The following AMPH variants were observed in gnomAD, a reference collection of about 807,000 sequenced individuals.
The protein encoded by AMPH is amphiphysin (Stiff-Mann syndrome with breast cancer 128kD autoantigen).
A neutral mutation model predicts 99.1 loss-of-function variants in AMPH; 49 were observed. The ratio of observed to expected loss-of-function variants is 0.49; its 90% CI spans 0.39 to 0.63. The LOEUF (loss-of-function observed/expected upper bound fraction) is 0.63, where lower values mean the gene tolerates loss of function less well. AMPH is among the 20% of genes least tolerant of loss of function. The pLI is 0.00. For missense variants in AMPH, 759 were observed against 863.4 expected, an observed-to-expected ratio of 0.88 and a Z score of 1.52; for synonymous variants, 314 against 317.3, an observed-to-expected ratio of 0.99 and a Z score of 0.11.
At chr7:38,549,421 A>G (rs936199460) in intron 1 of AMPH, among the ~76,000 whole-genome samples, 1 of 152,256 alleles carries the variant, frequency 6.6e-6, no homozygotes, top group African/African-American at 2.4e-5. Flanking sequence ...CAGAATAGTC[A>G]AAACAATTTT....
intron 1 of AMPH, among the ~76,000 whole-genome samples, chr7:38,551,395 T>C (rs1791175267): frequency 6.6e-6 from 1 of 152,156 alleles, no homozygotes; most frequent in African/African-American, 2.4e-5. Context: ...ATAGGAAGAA[T>C]AGTCAATGCT....
chr7:38,466,245 T>C lies in AMPH; in HGVS notation c.594A>G (p.Arg198=). ...TGAAAGTATTAACATAAAATCCAAC[T>C]CGTCTGCCATGTGGAAACACAAAGA... The part of the protein sequence containing the change: ...QEELPSLWSR[R]VGFYVNTFKN... Residue 198 remains arginine (R), a synonymous_variant, in exon 8 of 21, where the codon CGA becomes CGG. Coordinates refer to ENST00000356264, the MANE Select transcript of AMPH (RefSeq NM_001635.4). 1 of 1,586,748 alleles carries C rather than the reference T, an allele frequency of 6.3e-7. No individual in the cohort carries two copies. Among genetic ancestry groups the C allele is most frequent in the Non-Finnish European group, 8.5e-7 (1 of 1,171,844 alleles).
At chr7:38,571,281 T>TTATATATAGAA (rs1791998015) in intron 1 of AMPH, among the ~76,000 whole-genome samples, 3 of 44,084 alleles carry the variant, frequency 6.8e-5, no homozygotes, top group African/African-American at 1.7e-4. Context: ...ATATATATTT[T>TTATATATAGAA]TATATATATT....
chr7:38,485,539 G>A (rs1333102258), intron 5 of AMPH, among the ~76,000 whole-genome samples: 1 of 151,892 alleles, frequency 6.6e-6, no homozygotes, highest in Admixed American at 6.6e-5. Flanking sequence ...TTCAATTATA[G>A]ATAGAACCAC....
chr7:38,444,509 G>A (rs1786681333), intron 11 of AMPH, among the ~76,000 whole-genome samples: 1 of 152,118 alleles, frequency 6.6e-6, no homozygotes, highest in Non-Finnish European at 1.5e-5. Flanking sequence ...CAGGGAAAAT[G>A]CCATGTGATG....
At chr7:38,622,620 T>G (rs1468133870) in intron 1 of AMPH, among the ~76,000 whole-genome samples, 1 of 152,106 alleles carries the variant, frequency 6.6e-6, no homozygotes, top group Non-Finnish European at 1.5e-5. Flanking sequence ...GATAATTTTC[T>G]CAAAAGTGGA....
chr7:38,573,169 G>T (rs919079978), intron 1 of AMPH, among the ~76,000 whole-genome samples: 24 of 152,220 alleles, frequency 1.6e-4, no homozygotes, highest in Admixed American at 1.4e-3. Flanking sequence ...CAAAGACTGG[G>T]GCTTGTGGAC....
chr7:38,541,227 G>GC (rs1399915953), intron 1 of AMPH, among the ~76,000 whole-genome samples: 1 of 151,106 alleles, frequency 6.6e-6, no homozygotes, highest in Admixed American at 6.6e-5. Flanking sequence ...CTTATCCTGT[G>GC]CTCACCCTAA....
At chr7:38,477,234 C>G (rs1033922448) in intron 5 of AMPH, among the ~76,000 whole-genome samples, 4 of 151,990 alleles carry the variant, frequency 2.6e-5, no homozygotes, top group African/African-American at 7.2e-5. Flanking sequence ...AGTTTGCAGT[C>G]AAAGACCAGA....
intron 11 of AMPH, among the ~76,000 whole-genome samples, chr7:38,457,171 T>A (rs540341459): frequency 6.6e-6 from 1 of 152,156 alleles, no homozygotes; most frequent in South Asian, 2.1e-4. Context: ...TTATACCAGA[T>A]GCACAGATAT....
At chr7:38,532,101 T>C (rs954811881) in intron 2 of AMPH, among the ~76,000 whole-genome samples, 2 of 152,196 alleles carry the variant, frequency 1.3e-5, no homozygotes, top group African/African-American at 4.8e-5. Context: ...AGAGCATTAA[T>C]AAAATCAGTC....
intron 12 of AMPH, among the ~76,000 whole-genome samples, chr7:38,434,123 T>C (rs543334210): frequency 4.7e-4 from 72 of 152,268 alleles, no homozygotes; most frequent in African/African-American, 1.6e-3. Flanking sequence ...GACTCAGTTA[T>C]GGCCACCAGG....
chr7:38,408,986 A>T (rs1462592096), intron 17 of AMPH, among the ~76,000 whole-genome samples: 1 of 152,204 alleles, frequency 6.6e-6, no homozygotes, highest in Non-Finnish European at 1.5e-5. Context: ...GTTAGAGATT[A>T]ATCTGATCCC....
chr7:38,573,407 G>A (rs1352961863), intron 1 of AMPH, among the ~76,000 whole-genome samples: 1 of 152,150 alleles, frequency 6.6e-6, no homozygotes, highest in African/African-American at 2.4e-5. Flanking sequence ...TCCTATGAGT[G>A]GCACACAAGC....
intron 1 of AMPH, among the ~76,000 whole-genome samples, chr7:38,571,344 T>TATATATATTTTTATATAGA (rs1792010254): frequency 2.4e-5 from 1 of 41,650 alleles, no homozygotes; most frequent in Non-Finnish European, 4.6e-5. Flanking sequence ...ATATATAGAA[T>TATATATATTTTTATATAGA]ATATATATTT....
chr7:38,612,006 C>T (rs1392160778), intron 1 of AMPH, among the ~76,000 whole-genome samples: 1 of 151,888 alleles, frequency 6.6e-6, no homozygotes, highest in Non-Finnish European at 1.5e-5. Flanking sequence ...TCTAAGGACA[C>T]GCCTCTGATT....
chr7:38,421,073 G>A (rs962637358), intron 16 of AMPH: 15 of 456,464 alleles, frequency 3.3e-5, no homozygotes, highest in Admixed American at 1.4e-4. Flanking sequence ...ACATGACAAA[G>A]CTAAGTTCCC....
At chr7:38,608,662 A>G (rs2129064410) in intron 1 of AMPH, among the ~76,000 whole-genome samples, 1 of 152,306 alleles carries the variant, frequency 6.6e-6, no homozygotes, top group South Asian at 2.1e-4. Flanking sequence ...CCAATAATCA[A>G]TACTGACATC....
rs1785013949 is a variant in AMPH at position 38,406,736 on chromosome 7, CTCT to C, written c.1398+11086_1398+11088del. Among the ~76,000 whole-genome samples, 6 of 76,906 alleles carry C rather than the reference CTCT, an allele frequency of 7.8e-5. 1 individual carries two copies. The highest frequency in any genetic ancestry group is 5.0e-4 in the East Asian group (2 of 4,030). 50.5% of individuals were successfully genotyped at this position (76,906 alleles called of 152,430 possible). On this transcript the variant is annotated intron_variant, in intron 17 of 20. Transcript: ENST00000356264. ...CTCCTCTCTCTCTCCCTTTCCCTCTCTCTCTCTCTCTCTCTCTCTCTCTCTCTC... is the reference window on the plus strand; with the variant it reads ...CTCCTCTCTCTCTCCCTTTCCCTCTCCTCTCTCTCTCTCTCTCTCTCTCTC...
Sources: gnomAD v4.1 joint callset for allele counts (sites outside exome capture counted in the v4.1 genomes callset) on GRCh38, gnomAD v4.1.1 for gene constraint, MANE v1.5 for transcripts, NCBI Gene and HGNC (gene_info 2026-07-23, HGNC 2026-07-21) for gene names.